RPS24: variants seen among roughly 807,000 people sequenced by gnomAD.
RPS24 encodes small ribosomal subunit protein eS24.
For synonymous variants in RPS24, 72 were observed against 55.6 expected, an observed-to-expected ratio of 1.30 and a Z score of -1.31; for missense variants, 100 against 162.5, an observed-to-expected ratio of 0.62 and a Z score of 2.09.
rs1848094242 is a variant in RPS24 at position 78,051,038 on chromosome 10, A to C, written c.391-3493A>C. ...AAACCCTGTCTCTACTAAAAATAAA[A>C]AATTAGACGGGCATGGTGGTGAGCA... On this transcript the variant is annotated intron_variant, in intron 4 of 4. Transcript: ENST00000440692. 2.0e-5 allele frequency among the ~76,000 whole-genome samples: 3 copies of C among 152,314 alleles called. No individual in the cohort carries two copies. In the South Asian group the frequency reaches 6.2e-4, roughly 32 times the overall value.
At chr10:78,041,238 G>A (rs186617692), downstream of RPS24, among the ~76,000 whole-genome samples, 5 of 152,154 alleles carry the variant, frequency 3.3e-5, no homozygotes, top group African/African-American at 9.6e-5. Flanking sequence ...AAGCAATACC[G>A]TGAAGGCAGA....
At chr10:78,044,167 C>T (rs563078786), downstream of RPS24, among the ~76,000 whole-genome samples, 13 of 152,208 alleles carry the variant, frequency 8.5e-5, no homozygotes, top group African/African-American at 2.9e-4. Flanking sequence ...GGTCTAAGAA[C>T]GTTTGCCCCA....
chr10:78,055,163 C>T (rs1307524226), exon 5 of RPS24: 13 of 1,269,822 alleles, frequency 1.0e-5, no homozygotes, highest in African/African-American at 3.0e-5. Context: ...ATCTCTCTCA[C>T]CCAAATGCCA....
chr10:78,041,064 A>ACTC (rs905300806), downstream of RPS24, among the ~76,000 whole-genome samples: 5 of 151,532 alleles, frequency 3.3e-5, no homozygotes, highest in Admixed American at 6.6e-5. Flanking sequence ...TCTTGATTGA[A>ACTC]CTCGGGCTCA....
chr10:78,040,356 C>G (rs1178293074), intron 5 of RPS24, 131 bp downstream of exon 5: 2 of 833,170 alleles, frequency 2.4e-6, no homozygotes, highest in African/African-American at 1.7e-5. Context: ...GAGTTGTAAC[C>G]TTTTAAAATA....
chr10:78,037,582 A>G, intron 4 of RPS24: 2 of 422,988 alleles, frequency 4.7e-6, no homozygotes, highest in South Asian at 5.0e-5. Flanking sequence ...TTTCAAGCCT[A>G]TCACAAGAAG....
chr10:78,039,333 CTA>C (rs1847942140), intron 4 of RPS24: 1 of 152,202 alleles, frequency 6.6e-6, no homozygotes, highest in African/African-American at 2.4e-5. Flanking sequence ...CCTTTGAGCC[CTA>C]TGAGTTAGTG....
chr10:78,033,960 C>T, intron 1 of RPS24, 56 bp downstream of exon 1: 3 of 1,608,384 alleles, frequency 1.9e-6, no homozygotes, highest in Non-Finnish European at 2.6e-6. Flanking sequence ...CATCCGTGGT[C>T]CCTGGGTCCC....
intron 4 of RPS24, chr10:78,049,285 T>G (rs574544484): frequency 6.6e-6 from 1 of 152,236 alleles, no homozygotes; most frequent in Non-Finnish European, 1.5e-5. Flanking sequence ...TTCATTGCCC[T>G]GTGTCGTCTC....
At chr10:78,044,273 T>C (rs973404132), downstream of RPS24, among the ~76,000 whole-genome samples, 1 of 151,462 alleles carries the variant, frequency 6.6e-6, no homozygotes, top group African/African-American at 2.4e-5. Flanking sequence ...CCATGAAAAA[T>C]AGGAAAGAAA....
intron 1 of RPS24, 110 bp downstream of exon 1, chr10:78,034,014 G>A: frequency 7.3e-7 from 1 of 1,367,796 alleles, no homozygotes; most frequent in Non-Finnish European, 1.0e-6. Context: ...GCTCTTCTCT[G>A]GCCGTTTCTG....
chr10:78,055,172 C>CA, exon 5 of RPS24: 1 of 1,203,844 alleles, frequency 8.3e-7, no homozygotes, highest in Non-Finnish European at 1.1e-6. Context: ...ACCCAAATGC[C>CA]AAAGACCTCC....
Position 78,050,273 on chromosome 10 carries a change from C to G in RPS24, c.391-4258C>G, listed in dbSNP as rs77960168. ...AAACTTCCGGCCAGATTAGTTAGAC[C>G]TGCATCCTCCTTGCCACTTCCCAGG... On this transcript the variant is annotated intron_variant, in intron 4 of 4. Coordinates refer to the RPS24 transcript ENST00000440692. 9.8e-3 allele frequency among the ~76,000 whole-genome samples: 1,497 copies of G among 152,252 alleles called. 30 individuals carry two copies. Among genetic ancestry groups the G allele is most frequent in the African/African-American group, 0.034 (1,394 of 41,530 alleles).
intron 4 of RPS24, among the ~76,000 whole-genome samples, chr10:78,047,069 C>T (rs912921276): frequency 6.6e-6 from 1 of 151,820 alleles, no homozygotes; most frequent in South Asian, 2.1e-4. Flanking sequence ...CGATTCTCCA[C>T]CTCAGCTTCC....
At chr10:78,034,320 A>G (rs1008912732) in intron 1 of RPS24, 14 of 282,212 alleles carry the variant, frequency 5.0e-5, no homozygotes, top group African/African-American at 2.8e-4. Context: ...AGTTGCGGCA[A>G]GTGAAACCAT....
At chr10:78,035,060 T>C (rs1261787830) in intron 1 of RPS24, among the ~76,000 whole-genome samples, 2 of 152,170 alleles carry the variant, frequency 1.3e-5, no homozygotes, top group African/African-American at 2.4e-5. Context: ...GAATTATCCA[T>C]ATGGAAATAT....
chr10:78,039,155 A>G (rs1847938548), intron 4 of RPS24: 1 of 152,190 alleles, frequency 6.6e-6, no homozygotes, highest in South Asian at 2.1e-4. Flanking sequence ...GGAGTATGTA[A>G]TGAATGAACT....
At chr10:78,039,392 A>G (rs1847943526) in intron 4 of RPS24, 1 of 152,134 alleles carries the variant, frequency 6.6e-6, no homozygotes, top group Non-Finnish European at 1.5e-5. Flanking sequence ...ACCTGTGGGG[A>G]CCTGAGCCAT....
downstream of RPS24, among the ~76,000 whole-genome samples, chr10:78,044,368 G>C (rs1485445235): frequency 6.6e-6 from 1 of 152,160 alleles, no homozygotes; most frequent in Non-Finnish European, 1.5e-5. Context: ...GGGGAGGTGG[G>C]AGCAGAGTGG....
Sources: allele counts gnomAD v4.1 joint callset (sites outside exome capture counted in the v4.1 genomes callset), GRCh38; gene constraint gnomAD v4.1.1; transcripts MANE v1.5; gene names NCBI Gene and HGNC (gene_info 2026-07-23, HGNC 2026-07-21).